Variants in FLYWCH1 observed in about 807,000 individuals in gnomAD.
FLYWCH1 encodes the protein FLYWCH-type zinc finger-containing protein 1.
Under a neutral mutation model 66.4 loss-of-function variants are expected in FLYWCH1, and 75 were observed. The ratio of observed to expected loss-of-function variants is 1.13; its 90% CI spans 0.94 to 1.37. FLYWCH1 has a LOEUF of 1.37. Among genes scored for constraint, FLYWCH1 ranks in the 40% most tolerant of loss-of-function variants. FLYWCH1 has a pLI of 0.00. For missense variants in FLYWCH1, 1,334 were observed against 1,001.8 expected (o/e 1.33, Z -4.48); for synonymous variants, 595 against 429.9 (o/e 1.38, Z -4.75).
intron 9 of FLYWCH1, among the ~76,000 whole-genome samples, chr16:2,945,930 G>A (rs2071466979): frequency 6.6e-6 from 1 of 151,992 alleles, no homozygotes; most frequent in Admixed American, 6.6e-5. Flanking sequence ...CCGGGAGGCA[G>A]AGCTTGCAGT....
intron 1 of FLYWCH1, among the ~76,000 whole-genome samples, chr16:2,913,409 G>A (rs142978840): frequency 2.6e-4 from 40 of 152,202 alleles, no homozygotes; most frequent in African/African-American, 8.7e-4. Flanking sequence ...CGGGCTGGGG[G>A]GGTCTCATTG....
intron 9 of FLYWCH1, 63 bp downstream of exon 9, chr16:2,940,155 C>T (rs1012305964): frequency 1.6e-5 from 13 of 808,350 alleles, no homozygotes; most frequent in Middle Eastern, 2.5e-4. Context: ...GGGCTTAAAA[C>T]AACAAATATT....
chr16:2,933,614 C>A, intron 5 of FLYWCH1, 32 bp downstream of exon 5: 1 of 1,565,188 alleles, frequency 6.4e-7, no homozygotes, highest in Non-Finnish European at 8.7e-7. Context: ...CTCACCGGCC[C>A]TGCCTTGACT....
At chr16:2,927,131 G>A (rs1006681796) in intron 2 of FLYWCH1, among the ~76,000 whole-genome samples, 4 of 152,170 alleles carry the variant, frequency 2.6e-5, no homozygotes, top group Admixed American at 2.0e-4. Flanking sequence ...GCACGGCATC[G>A]TACAAGCAAC....
Position 2,941,968 on chromosome 16 carries a change from G to A in FLYWCH1, c.2111+1876G>A, listed in dbSNP as rs183307362. ...GTCGAGATTGCGCCACTGCACTCCA[G>A]CCTGGGCGACAGAGCAAGACTCATC... On this transcript the variant is annotated intron_variant, in intron 9 of 9. Coordinates refer to ENST00000253928, the MANE Select transcript of FLYWCH1 (RefSeq NM_001308068.2). Among the ~76,000 whole-genome samples the A allele has an allele frequency of 1.4e-3, 160 of 118,030 alleles. 5 individuals carry two copies. In the Admixed American group the frequency reaches 0.018, roughly 13 times the overall value. 77.4% of individuals were successfully genotyped at this position (118,030 alleles called of 152,430 possible).
rs1459361874 is a variant in FLYWCH1, at chr16:2,929,537, C to G, written c.-73-76C>G. On this transcript the variant is annotated intron_variant, in intron 2 of 9. Transcript: ENST00000253928. ...GAGCAGTGAGGCAGCCCCATCTGCC[C>G]CACCTCCCTCCCAGATCCACGTCTA... 7 of 1,064,490 alleles carry G rather than the reference C, an allele frequency of 6.6e-6. No individual in the cohort carries two copies. The African/African-American group carries it at 1.1e-4, about 17-fold the overall frequency. The allele number at this position is 1,064,490 out of a possible 1,614,324, so 65.9% of individuals were successfully genotyped here.
chr16:2,946,316 CTTTTTTT>C lies in FLYWCH1; in HGVS notation c.2112-2355_2112-2349del, dbSNP rs58279573. ...TCATGCCCTGTATAGGTGGGCTGTACTTTTTTTTTTTTTTTTTTTTTTTGAGATGGAG... is the reference window on the plus strand; with the variant it reads ...TCATGCCCTGTATAGGTGGGCTGTACTTTTTTTTTTTTTTTTGAGATGGAG... On this transcript the variant is annotated intron_variant, in intron 9 of 9. Coordinates refer to ENST00000253928, the MANE Select transcript of FLYWCH1 (RefSeq NM_001308068.2). 1.7e-3 allele frequency among the ~76,000 whole-genome samples: 125 copies of C among 75,548 alleles called. 1 individual carries two copies. The South Asian group carries it at 0.048, about 29-fold the overall frequency. The allele number at this position is 75,548 out of a possible 152,430, so 49.6% of individuals were successfully genotyped here.
At chr16:2,936,674 G>A (rs1567342919) in intron 6 of FLYWCH1, 1 of 461,282 alleles carries the variant, frequency 2.2e-6, no homozygotes, top group Non-Finnish European at 4.3e-6. Flanking sequence ...CTTCCTCAGA[G>A]TCCTGGGGTC....
At chr16:2,925,569 A>C (rs1325986583) in intron 2 of FLYWCH1, among the ~76,000 whole-genome samples, 5 of 10,270 alleles carry the variant, frequency 4.9e-4, no homozygotes, top group South Asian at 4.3e-3. Flanking sequence ...GGGTAGGGGG[A>C]GTTGCGGGGG....
At chr16:2,945,106 T>C (rs533500609) in intron 9 of FLYWCH1, among the ~76,000 whole-genome samples, 1 of 151,890 alleles carries the variant, frequency 6.6e-6, no homozygotes, top group African/African-American at 2.4e-5. Context: ...TCCCAGCACT[T>C]TGGGAGGCTG....
At chr16:2,945,119 G>T (rs1475223992) in intron 9 of FLYWCH1, among the ~76,000 whole-genome samples, 1 of 152,030 alleles carries the variant, frequency 6.6e-6, no homozygotes, top group East Asian at 1.9e-4. Flanking sequence ...GGAGGCTGAG[G>T]TGGGTGGATC....
At chr16:2,940,294 C>G (rs2071207346) in intron 9 of FLYWCH1, 2 of 520,326 alleles carry the variant, frequency 3.8e-6, no homozygotes. Context: ...GCTGGAGGCC[C>G]TGCTCCTCAC....
At chr16:2,919,670 C>T (rs1194906023) in intron 2 of FLYWCH1, among the ~76,000 whole-genome samples, 8 of 152,180 alleles carry the variant, frequency 5.3e-5, no homozygotes, top group Non-Finnish European at 1.2e-4. Context: ...GCTGGGACTA[C>T]ACATACGCAC....
In FLYWCH1 at chr16:2,930,474, CT is replaced by C; in HGVS notation, c.392del (p.Phe131SerfsTer38). The C allele has an allele frequency of 6.6e-7, 1 of 1,516,854 alleles. No homozygotes were observed. 94.0% of individuals were successfully genotyped at this position (1,516,854 alleles called of 1,614,324 possible). On this transcript the variant is annotated frameshift_variant, in exon 4 of 10. Coordinates refer to ENST00000253928, the MANE Select transcript of FLYWCH1 (RefSeq NM_001308068.2). LOFTEE classifies it high-confidence loss of function. ...GGGGCCGCCTCCTGGTGCTGGAGTC[CT>C]TCCTGTACAAGCAGGAGAAGGCAGT... ...FGGRLLVLES[F>X]LYKQEKAVGD...
chr16:2,944,000 A>G (rs893638408), intron 9 of FLYWCH1, among the ~76,000 whole-genome samples: 1 of 151,972 alleles, frequency 6.6e-6, no homozygotes, highest in Non-Finnish European at 1.5e-5. Context: ...GGAGGCTGAG[A>G]TGGAAGTGTC....
chr16:2,946,806 C>T (rs2071505114), intron 9 of FLYWCH1, among the ~76,000 whole-genome samples: 1 of 152,118 alleles, frequency 6.6e-6, no homozygotes, highest in Non-Finnish European at 1.5e-5. Context: ...TGTGACAGAC[C>T]ACTTCACACC....
chr16:2,938,389 C>G lies in FLYWCH1; in HGVS notation c.1983C>G (p.Asp661Glu), dbSNP rs758150306. The change falls in exon 8 of 10, where the codon GAC (aspartate) becomes GAG (glutamate). Residue 661 changes from aspartate to glutamate, a missense_variant. By Grantham distance (45) the Asp-to-Glu change is conservative (BLOSUM62 2). Coordinates refer to ENST00000253928, the MANE Select transcript of FLYWCH1 (RefSeq NM_001308068.2). The stretch of plus-strand genomic sequence containing the variant: ...TGCGCAGCCACTGCCATCAGCCTGA[C>G]CTGGCAGGCCTGGAGGCCTTGAGGC... ...MVMRSHCHQP[D>E]LAGLEALRQR... is the part of the protein sequence containing the mutation. 37 of 1,564,334 alleles carry G rather than the reference C, an allele frequency of 2.4e-5. No individual in the cohort carries two copies. Among genetic ancestry groups the G allele is most frequent in the South Asian group, 2.4e-5 (2 of 83,168 alleles).
At chr16:2,940,620 G>GA (rs1420524053) in intron 9 of FLYWCH1, among the ~76,000 whole-genome samples, 1 of 152,140 alleles carries the variant, frequency 6.6e-6, no homozygotes, top group African/African-American at 2.4e-5. Flanking sequence ...ATTTGCAGTA[G>GA]AGATAGGGTT....
At chr16:2,930,290 TG>T in intron 3 of FLYWCH1, 119 bp from the exon 4 acceptor site, 1 of 670,598 alleles carries the variant, frequency 1.5e-6, no homozygotes, top group South Asian at 2.1e-5. Flanking sequence ...GCTTCTTGCT[TG>T]GGAGCAGGAG....
Sources: gnomAD v4.1 joint callset for allele counts (sites outside exome capture counted in the v4.1 genomes callset) on GRCh38, gnomAD v4.1.1 for gene constraint, MANE v1.5 for transcripts, NCBI Gene and HGNC (gene_info 2026-07-23, HGNC 2026-07-21) for gene names.